Variants in PSTPIP2 observed in about 807,000 individuals in gnomAD.
PSTPIP2 encodes proline-serine-threonine phosphatase-interacting protein 2.
A neutral mutation model predicts 63.3 loss-of-function variants in PSTPIP2; 33 were observed. The observed-to-expected ratio is 0.52, with a 90% CI of 0.40 to 0.70. The LOEUF (loss-of-function observed/expected upper bound fraction) is 0.70, where lower values mean the gene tolerates loss of function less well. Among genes scored for constraint, PSTPIP2 ranks in the 30% least tolerant of loss-of-function variants. The probability of loss-of-function intolerance (pLI) is 0.00; values close to 1 mark genes in which losing one functional copy is unlikely to be tolerated. For synonymous variants in PSTPIP2, 125 were observed against 132.7 expected (o/e 0.94, Z 0.40); for missense variants, 312 against 400.7 (o/e 0.78, Z 1.89).
intron 9 of PSTPIP2, among the ~76,000 whole-genome samples, chr18:45,996,561 A>G (rs2051596052): frequency 6.6e-6 from 1 of 151,988 alleles, no homozygotes; most frequent in African/African-American, 2.4e-5. Flanking sequence ...TTTCTCTTGG[A>G]AATTGTGAGG....
At chr18:46,060,224 A>C (rs1178871304) in intron 1 of PSTPIP2, among the ~76,000 whole-genome samples, 1 of 151,420 alleles carries the variant, frequency 6.6e-6, no homozygotes, top group African/African-American at 2.4e-5. Flanking sequence ...GTGATTAGGG[A>C]CTCTATTTCA....
At chr18:46,029,212 G>C in intron 2 of PSTPIP2, 1 of 1,052,858 alleles carries the variant, frequency 9.5e-7, no homozygotes, top group Non-Finnish European at 1.5e-6. Context: ...TGCATCAAGT[G>C]AGAGGTTTGA....
chr18:46,010,989 G>T, intron 5 of PSTPIP2, 192 bp downstream of exon 5: 1 of 536,780 alleles, frequency 1.9e-6, no homozygotes. Flanking sequence ...CTTTAAAAAA[G>T]GACAACTGGC....
chr18:46,024,869 C>T (rs1170195700), intron 2 of PSTPIP2, among the ~76,000 whole-genome samples, 183 bp from the exon 3 acceptor site: 1 of 152,082 alleles, frequency 6.6e-6, no homozygotes, highest in African/African-American at 2.4e-5. Flanking sequence ...GATCGATGGC[C>T]CTCATCTCTA....
chr18:46,032,754 C>CAAAAAAAA (rs762015034), intron 2 of PSTPIP2, among the ~76,000 whole-genome samples: 2 of 50,158 alleles, frequency 4.0e-5, no homozygotes, highest in African/African-American at 1.2e-4. Flanking sequence ...AACTCTGTGT[C>CAAAAAAAA]AAAAAAAAAA....
At chr18:46,041,205 C>A (rs1246662140) in intron 1 of PSTPIP2, among the ~76,000 whole-genome samples, 1 of 152,122 alleles carries the variant, frequency 6.6e-6, no homozygotes, top group Non-Finnish European at 1.5e-5. Context: ...TCCGTGGTCA[C>A]TGGCCCCAAT....
chr18:46,018,822 C>T (rs111476560), intron 3 of PSTPIP2, among the ~76,000 whole-genome samples: 29 of 152,108 alleles, frequency 1.9e-4, no homozygotes, highest in Non-Finnish European at 1.3e-4. Flanking sequence ...TGGCCTGGAA[C>T]GATTTTCCTT....
At chr18:45,986,270 C>T (rs144757390) in intron 14 of PSTPIP2, among the ~76,000 whole-genome samples, 220 of 152,168 alleles carry the variant, frequency 1.4e-3, no homozygotes, top group African/African-American at 5.2e-3. Context: ...ATATGTTGAA[C>T]CCCAACTCAT....
At chr18:45,998,933 T>A in intron 7 of PSTPIP2, 94 bp from the exon 8 acceptor site, 1 of 1,370,834 alleles carries the variant, frequency 7.3e-7, no homozygotes, top group East Asian at 2.3e-5. Context: ...GCAGTAACTA[T>A]GAAGAGACCA....
intron 2 of PSTPIP2, among the ~76,000 whole-genome samples, chr18:46,035,784 T>C (rs35922557): frequency 0.2 from 30,005 of 152,106 alleles, 4,578 homozygotes; most frequent in African/African-American, 0.43. Flanking sequence ...CACCAGCCCC[T>C]GGAGCCATTC....
intron 9 of PSTPIP2, chr18:45,994,018 G>C (rs1042689039): frequency 3.2e-5 from 11 of 340,338 alleles, no homozygotes; most frequent in African/African-American, 2.3e-4. Flanking sequence ...CTCCACCTGA[G>C]CAGCCTGCCA....
intron 4 of PSTPIP2, 121 bp from the exon 5 acceptor site, chr18:46,011,408 CT>C: frequency 1.3e-6 from 1 of 769,608 alleles, no homozygotes; most frequent in Admixed American, 2.5e-5. Flanking sequence ...ATCAACATCA[CT>C]TCATTTGGTC....
chr18:46,013,633 G>A (rs146631716), intron 4 of PSTPIP2, among the ~76,000 whole-genome samples: 9 of 152,074 alleles, frequency 5.9e-5, no homozygotes, highest in Middle Eastern at 3.4e-3. Flanking sequence ...ATAACCAAAG[G>A]CCACAAAGTG....
At chr18:46,057,548 T>A (rs1305904425) in intron 1 of PSTPIP2, among the ~76,000 whole-genome samples, 1 of 151,956 alleles carries the variant, frequency 6.6e-6, no homozygotes, top group Admixed American at 6.6e-5. Flanking sequence ...CAGGCTGGTC[T>A]CAAACTCCTG....
At chr18:46,028,386 C>A in intron 2 of PSTPIP2, 1 of 506,868 alleles carries the variant, frequency 2.0e-6, no homozygotes, top group Non-Finnish European at 3.9e-6. Context: ...AACCGCCGGC[C>A]AGGCCAAGCG....
intron 9 of PSTPIP2, 48 bp downstream of exon 9, chr18:45,997,701 A>ACGGGGGGGGGGGCCCC: frequency 3.0e-6 from 1 of 332,626 alleles, no homozygotes; most frequent in East Asian, 7.9e-5. Context: ...TGTTACACAC[A>ACGGGGGGGGGGGCCCC]CCCCCACCCA....
intron 1 of PSTPIP2, among the ~76,000 whole-genome samples, chr18:46,059,591 A>C (rs1263448073): frequency 2.6e-5 from 4 of 152,086 alleles, no homozygotes; most frequent in Admixed American, 2.0e-4. Context: ...TATTGTTGAA[A>C]ATTTTTAAGT....
intron 14 of PSTPIP2, among the ~76,000 whole-genome samples, chr18:45,987,119 G>A (rs566019586): frequency 2.0e-5 from 3 of 152,284 alleles, no homozygotes; most frequent in South Asian, 2.1e-4. Flanking sequence ...GATTACAGGC[G>A]TGAGCCACTG....
chr18:46,011,096 C>T, intron 5 of PSTPIP2, 85 bp downstream of exon 5: 2 of 1,116,800 alleles, frequency 1.8e-6, no homozygotes, highest in Non-Finnish European at 1.4e-6. Context: ...ATGGTGGGAG[C>T]TGAGCTGAGG....
Sources: gnomAD v4.1 joint callset for allele counts (sites outside exome capture counted in the v4.1 genomes callset) on GRCh38, gnomAD v4.1.1 for gene constraint, MANE v1.5 for transcripts, NCBI Gene and HGNC (gene_info 2026-07-23, HGNC 2026-07-21) for gene names.